TRERF1: variants seen among roughly 807,000 people sequenced by gnomAD.
TRERF1 encodes transcriptional regulating factor 1.
Under a neutral mutation model 122.9 loss-of-function variants are expected in TRERF1, and 27 were observed. The ratio of observed to expected loss-of-function variants is 0.22; its 90% CI spans 0.16 to 0.30. The LOEUF is 0.30. Among genes scored for constraint, TRERF1 ranks in the 10% least tolerant of loss-of-function variants. The pLI is 1.00. For missense variants in TRERF1, 1,248 were observed against 1,560.3 expected (o/e 0.80, Z 3.37); for synonymous variants, 636 against 641.7 (o/e 0.99, Z 0.13).
chr6:42,373,560 G>A (rs1255787933), intron 2 of TRERF1, among the ~76,000 whole-genome samples: 6 of 152,138 alleles, frequency 3.9e-5, no homozygotes, highest in African/African-American at 4.8e-5. Context: ...CCAGCTACTC[G>A]GGAGGCTAAG....
intron 14 of TRERF1, among the ~76,000 whole-genome samples, chr6:42,243,803 A>C (rs991474166): frequency 1.1e-4 from 17 of 149,650 alleles, no homozygotes; most frequent in African/African-American, 4.2e-4. Context: ...GATGGTCTTG[A>C]TCTCCTGACC....
intron 13 of TRERF1, among the ~76,000 whole-genome samples, chr6:42,248,710 A>G (rs934452473): frequency 3.3e-5 from 5 of 152,190 alleles, no homozygotes; most frequent in Non-Finnish European, 7.3e-5. Flanking sequence ...ACTCAGCAGA[A>G]GGGAGTCATC....
At chr6:42,295,982 G>A (rs1016669054) in intron 4 of TRERF1, among the ~76,000 whole-genome samples, 4 of 152,184 alleles carry the variant, frequency 2.6e-5, no homozygotes, top group Non-Finnish European at 5.9e-5. Flanking sequence ...TAGAGCTAAA[G>A]GACATTCACG....
chr6:42,229,535 T>TC (rs1770101679), intron 17 of TRERF1, among the ~76,000 whole-genome samples: 1 of 152,204 alleles, frequency 6.6e-6, no homozygotes, highest in Admixed American at 6.5e-5. Context: ...CCTCTCCCTG[T>TC]CAACCCAATT....
intron 2 of TRERF1, among the ~76,000 whole-genome samples, chr6:42,448,746 CT>C (rs2069298166): frequency 6.6e-6 from 1 of 152,192 alleles, no homozygotes; most frequent in African/African-American, 2.4e-5. Flanking sequence ...GATGTTTCCC[CT>C]AGCCTTGAGC....
At chr6:42,425,663 C>T (rs1759582385) in intron 2 of TRERF1, among the ~76,000 whole-genome samples, 2 of 151,376 alleles carry the variant, frequency 1.3e-5, no homozygotes, top group Admixed American at 6.6e-5. Flanking sequence ...CCTGCTTCAG[C>T]CTCCCGAGTA....
chr6:42,391,044 T>C (rs779739333), intron 2 of TRERF1, among the ~76,000 whole-genome samples: 16 of 152,194 alleles, frequency 1.1e-4, no homozygotes, highest in Non-Finnish European at 2.4e-4. Context: ...AAGGGGGACA[T>C]GGACACCATT....
chr6:42,307,274 T>C (rs1260876977), intron 3 of TRERF1, among the ~76,000 whole-genome samples: 4 of 152,204 alleles, frequency 2.6e-5, no homozygotes, highest in East Asian at 1.9e-4. Flanking sequence ...ATTCCTTTCA[T>C]TAAGTGCTCC....
intron 3 of TRERF1, among the ~76,000 whole-genome samples, chr6:42,343,591 G>A (rs1767705152): frequency 6.6e-6 from 1 of 152,154 alleles, no homozygotes; most frequent in South Asian, 2.1e-4. Context: ...TCAGGCCACA[G>A]GTCCTTTGAA....
intron 2 of TRERF1, among the ~76,000 whole-genome samples, chr6:42,380,217 TGA>T (rs766397078): frequency 1.6e-5 from 1 of 61,506 alleles, no homozygotes; most frequent in Non-Finnish European, 3.0e-5. Flanking sequence ...GTTAGCAATG[TGA>T]GGGGTGGGTG....
chr6:42,267,770 T>C (rs1779471174), intron 5 of TRERF1, among the ~76,000 whole-genome samples: 1 of 152,230 alleles, frequency 6.6e-6, no homozygotes, highest in Non-Finnish European at 1.5e-5. Flanking sequence ...TGTCATAACG[T>C]GGTCTCCCTC....
At chr6:42,322,034 A>G (rs896134952) in intron 3 of TRERF1, among the ~76,000 whole-genome samples, 3 of 152,252 alleles carry the variant, frequency 2.0e-5, no homozygotes, top group Admixed American at 1.3e-4. Context: ...AAAAGCAGAG[A>G]TGACAGAAGT....
intron 2 of TRERF1, among the ~76,000 whole-genome samples, chr6:42,426,645 T>C (rs1783671389): frequency 6.6e-6 from 1 of 152,218 alleles, no homozygotes; most frequent in South Asian, 2.1e-4. Flanking sequence ...TCAGCAAATA[T>C]GACCTGCTGC....
rs3074800 is a variant in TRERF1 at position 42,288,953 on chromosome 6, CTGTGTGTGTGTG to C, written c.-259+11673_-259+11684del. On this transcript the variant is annotated intron_variant, in intron 4 of 17. Coordinates refer to ENST00000372922, the Ensembl canonical transcript of TRERF1. ...GGAAACCATTAAAGTATCTTGAACTCTGTGTGTGTGTGTGTGTGTGTGTGTGTGTGTGTGTGT... is the reference window on the plus strand; with the variant it reads ...GGAAACCATTAAAGTATCTTGAACTCTGTGTGTGTGTGTGTGTGTGTGTGT... 2.4e-3 allele frequency among the ~76,000 whole-genome samples: 345 copies of C among 144,416 alleles called. 2 individuals are homozygous for C. The highest frequency in any genetic ancestry group is 0.022 in the East Asian group (107 of 4,888). The allele number at this position is 144,416 out of a possible 152,430, so 94.7% of individuals were successfully genotyped here. A position where few individuals can be genotyped will look rare whatever the true frequency, so the allele number is the denominator to read the frequency against.
chr6:42,312,648 A>G (rs1761874202), intron 3 of TRERF1, among the ~76,000 whole-genome samples: 1 of 152,162 alleles, frequency 6.6e-6, no homozygotes, highest in African/African-American at 2.4e-5. Flanking sequence ...GCAGATACAG[A>G]TGCTCCATCC....
At chr6:42,398,959 G>A (rs1779005192) in intron 2 of TRERF1, among the ~76,000 whole-genome samples, 1 of 152,168 alleles carries the variant, frequency 6.6e-6, no homozygotes, top group Non-Finnish European at 1.5e-5. Context: ...CCTGATTCAA[G>A]CTCTGATCCA....
At chr6:42,374,486 G>T (rs556224897) in intron 2 of TRERF1, among the ~76,000 whole-genome samples, 1 of 152,120 alleles carries the variant, frequency 6.6e-6, no homozygotes, top group African/African-American at 2.4e-5. Flanking sequence ...TCAGCTCTGG[G>T]GAGCCTCACC....
At position 42,364,838 on chromosome 6, in the gene TRERF1, G is replaced by T. The variant is rs539056292; in HGVS notation, c.-453-1759C>A. On this transcript the variant is annotated intron_variant, in intron 2 of 17. Coordinates refer to ENST00000372922, the Ensembl canonical transcript of TRERF1. ...AGGGGAGGAGAAAAGAGAAGGTAAG[G>T]CTGAGGGGTGTGAAGGGCTGAGGAA... is the stretch of plus-strand genomic sequence containing the variant. 4.3e-3 allele frequency among the ~76,000 whole-genome samples: 654 copies of T among 152,306 alleles called. 2 individuals carry two copies. Among genetic ancestry groups the T allele is most frequent in the African/African-American group, 0.015 (614 of 41,564 alleles).
At chr6:42,249,832 C>T (rs966972245) in intron 13 of TRERF1, among the ~76,000 whole-genome samples, 4 of 152,146 alleles carry the variant, frequency 2.6e-5, no homozygotes, top group Non-Finnish European at 4.4e-5. Flanking sequence ...AGGGTGTCCA[C>T]AAATTGAGGG....
Sources: allele counts gnomAD v4.1 joint callset (sites outside exome capture counted in the v4.1 genomes callset), GRCh38; gene constraint gnomAD v4.1.1; transcripts MANE v1.5; gene names NCBI Gene and HGNC (gene_info 2026-07-23, HGNC 2026-07-21).